The following ZNF503 variants were observed in gnomAD, a reference collection of about 807,000 sequenced individuals.
The protein encoded by ZNF503 is zinc finger protein 503.
Under a neutral mutation model 34.4 loss-of-function variants are expected in ZNF503, and 15 were observed. That is an observed-to-expected ratio of 0.44 (90% confidence interval 0.29 to 0.67). The LOEUF (loss-of-function observed/expected upper bound fraction) is 0.67. ZNF503 is among the 30% of genes least tolerant of loss of function. The pLI is 0.13. For missense variants in ZNF503, 1,007 were observed against 926.8 expected, an observed-to-expected ratio of 1.09 and a Z score of -1.12; for synonymous variants, 580 against 456.8, an observed-to-expected ratio of 1.27 and a Z score of -3.44.
At chr10:75,291,116 A>G in the ZNF503 span, among the ~76,000 whole-genome samples, 2 of 152,134 alleles carry the variant, frequency 1.3e-5, no homozygotes, top group African/African-American at 2.4e-5. Context: ...TTTCATGGAG[A>G]AAAAGCATGT....
chr10:75,300,696 C>A, the ZNF503 span, among the ~76,000 whole-genome samples: 3 of 107,226 alleles, frequency 2.8e-5, no homozygotes, highest in South Asian at 3.4e-4. Context: ...ACATTTCTTT[C>A]TTTCTTTCTT....
chr10:75,372,841 T>C, the ZNF503 span, among the ~76,000 whole-genome samples: 2 of 152,190 alleles, frequency 1.3e-5, no homozygotes. Context: ...CCCATTTCCA[T>C]TACAGCCCCC....
At chr10:75,344,929 C>T in the ZNF503 span, among the ~76,000 whole-genome samples, 3 of 152,210 alleles carry the variant, frequency 2.0e-5, no homozygotes, top group Admixed American at 6.5e-5. Context: ...CGTCTTTGTC[C>T]TTTAAAGTCT....
At chr10:75,390,095 C>T in the ZNF503 span, among the ~76,000 whole-genome samples, 2 of 151,998 alleles carry the variant, frequency 1.3e-5, no homozygotes, top group Admixed American at 1.3e-4. Context: ...GACGGGGTTT[C>T]ACTGTGTTAG....
At chr10:75,296,948 C>G in the ZNF503 span, among the ~76,000 whole-genome samples, 1 of 152,144 alleles carries the variant, frequency 6.6e-6, no homozygotes, top group African/African-American at 2.4e-5. Context: ...GTGATTCCTA[C>G]GGGAGTCAGT....
the ZNF503 span, among the ~76,000 whole-genome samples, chr10:75,381,604 T>C: frequency 6.6e-6 from 1 of 152,074 alleles, no homozygotes; most frequent in Non-Finnish European, 1.5e-5. Flanking sequence ...TAGCTGGCAC[T>C]CATGCAACCA....
chr10:75,327,467 A>C, the ZNF503 span, among the ~76,000 whole-genome samples: 2 of 152,216 alleles, frequency 1.3e-5, no homozygotes, highest in Non-Finnish European at 2.9e-5. Context: ...TCCATTATGT[A>C]GATGTAACAT....
At chr10:75,310,122 TTAGATC>T in the ZNF503 span, among the ~76,000 whole-genome samples, 1 of 152,244 alleles carries the variant, frequency 6.6e-6, no homozygotes, top group Non-Finnish European at 1.5e-5. Flanking sequence ...ATTTTGTACT[TTAGATC>T]TATATTCTAG....
the ZNF503 span, among the ~76,000 whole-genome samples, chr10:75,323,931 C>T: frequency 7.0e-6 from 1 of 142,120 alleles, no homozygotes; most frequent in African/African-American, 2.6e-5. Context: ...AAACCTGCCT[C>T]AGCCTGCAAG....
the ZNF503 span, among the ~76,000 whole-genome samples, chr10:75,368,663 C>A: frequency 6.6e-6 from 1 of 152,186 alleles, no homozygotes; most frequent in Non-Finnish European, 1.5e-5. Context: ...CCTCCACAAA[C>A]CCTCATAGTT....
the ZNF503 span, among the ~76,000 whole-genome samples, chr10:75,330,374 T>C: frequency 0.012 from 1,900 of 152,306 alleles, 42 homozygotes; most frequent in African/African-American, 0.044. Flanking sequence ...TAGAATGAGT[T>C]TGGAAGAATT....
chr10:75,282,059 T>C, the ZNF503 span, among the ~76,000 whole-genome samples: 1 of 152,226 alleles, frequency 6.6e-6, no homozygotes, highest in African/African-American at 2.4e-5. Context: ...TCCCCGCTCC[T>C]TCCCTGTTAA....
chr10:75,302,707 C>G, the ZNF503 span, among the ~76,000 whole-genome samples: 1 of 152,176 alleles, frequency 6.6e-6, no homozygotes, highest in Non-Finnish European at 1.5e-5. Flanking sequence ...CTTTGCTTAG[C>G]TGAAACAGAA....
chr10:75,356,362 AC>A, the ZNF503 span, among the ~76,000 whole-genome samples: 1 of 152,072 alleles, frequency 6.6e-6, no homozygotes, highest in African/African-American at 2.4e-5. Context: ...GACTACACGC[AC>A]CTGCCACCAG....
Position 75,398,366 on chromosome 10 carries a change from C to A in ZNF503, c.*383G>T, listed in dbSNP as rs1167653813. 4.1e-5 allele frequency: 7 copies of A among 170,990 alleles called. No homozygotes were observed. Among genetic ancestry groups the A allele is most frequent in the Non-Finnish European group, 7.4e-5 (6 of 81,086 alleles). The allele number at this position is 170,990 out of a possible 1,614,324, so 10.6% of individuals were successfully genotyped here. A position where few individuals can be genotyped will look rare whatever the true frequency, so the allele number is the denominator to read the frequency against. On this transcript the variant is annotated 3_prime_UTR_variant, in exon 2 of 2. Transcript: ENST00000372524. ...ATTTTTCCCACCTCCTTTTTACCTACAGAGCTCAAACTAAATAATGCACTT... is the reference window on the plus strand; with the variant it reads ...ATTTTTCCCACCTCCTTTTTACCTAAAGAGCTCAAACTAAATAATGCACTT...
At chr10:75,329,965 T>C in the ZNF503 span, among the ~76,000 whole-genome samples, 2 of 152,252 alleles carry the variant, frequency 1.3e-5, no homozygotes, top group African/African-American at 4.8e-5. Context: ...ATCTTTTCCC[T>C]GTTCGGTATG....
At chr10:75,362,973 G>C in the ZNF503 span, among the ~76,000 whole-genome samples, 2 of 152,034 alleles carry the variant, frequency 1.3e-5, no homozygotes, top group Non-Finnish European at 2.9e-5. Context: ...CCCCACCCCT[G>C]GGTGTGAAAG....
At chr10:75,290,160 G>T in the ZNF503 span, among the ~76,000 whole-genome samples, 1 of 152,112 alleles carries the variant, frequency 6.6e-6, no homozygotes, top group African/African-American at 2.4e-5. Context: ...GTATCATGTT[G>T]CAGAATTCCC....
At chr10:75,393,283 A>G (rs766255731), downstream of ZNF503, among the ~76,000 whole-genome samples, 3 of 152,226 alleles carry the variant, frequency 2.0e-5, no homozygotes, top group Non-Finnish European at 2.9e-5. Context: ...TATACTGTGC[A>G]TGAACTGGAG....
Sources: allele counts gnomAD v4.1 joint callset (sites outside exome capture counted in the v4.1 genomes callset), GRCh38; gene constraint gnomAD v4.1.1; transcripts MANE v1.5; gene names NCBI Gene and HGNC (gene_info 2026-07-23, HGNC 2026-07-21).